Variants in TOP2A observed in about 807,000 individuals in gnomAD.
The protein encoded by TOP2A is DNA topoisomerase II alpha, also known as DNA topoisomerase 2-alpha.
TOP2A carries 68 observed loss-of-function variants against 187.2 expected under a neutral mutation model. That is an observed-to-expected ratio of 0.36 (90% CI 0.30 to 0.44). The LOEUF (loss-of-function observed/expected upper bound fraction) is 0.44. Among genes scored for constraint, TOP2A ranks in the 20% least tolerant of loss-of-function variants. The pLI, the probability that TOP2A is intolerant of heterozygous loss-of-function variation, is 1.00. For missense variants in TOP2A, 1,196 were observed against 1,808.7 expected (o/e 0.66, Z 6.14); for synonymous variants, 542 against 593.2 (o/e 0.91, Z 1.25).
At chr17:40,396,594 A>G in intron 27 of TOP2A, 129 bp from the exon 28 acceptor site, 1 of 1,148,624 alleles carries the variant, frequency 8.7e-7, no homozygotes, top group Non-Finnish European at 1.2e-6. Flanking sequence ...TCCATAACCT[A>G]GTATACTATC....
rs773676790 is a variant in TOP2A, at chr17:40,416,051, T to G, written c.286A>C (p.Lys96Gln). ...DEILVNAADN[K>Q]QRDPKMSCIR... ...CAAGACATTTTTGGGTCCCTTTGTT[T>G]GTTGTCCGCAGCATTAACTGAAAGA... is the stretch of plus-strand genomic sequence containing the variant. The change falls in exon 4 of 35, where the codon AAA becomes CAA. Residue 96 changes from lysine to glutamine, a missense_variant. This residue lies in a region of TOP2A where 97 missense variants were observed against 171.0 expected (regional missense o/e 0.57). Transcript: ENST00000423485. 2.1e-5 allele frequency: 34 copies of G among 1,585,494 alleles called. No homozygotes were observed. Among genetic ancestry groups the G allele is most frequent in the Non-Finnish European group, 2.9e-5 (34 of 1,162,820 alleles).
In TOP2A at chr17:40,396,332, G is replaced by C; in HGVS notation, c.3671C>G (p.Thr1224Ser). ...TTCTGCCTCTGCTTTCATTTCTATG[G>C]TTATTCGTGGAATGACTCTTTGACC... The part of the protein sequence containing the change: ...PRGQRVIPRI[T>S]IEMKAEAEKK... Residue 1224 changes from threonine to serine, a missense_variant, in exon 28 of 35, where the codon ACC (threonine) becomes AGC (serine). Physicochemically the swap from Thr to Ser is moderately conservative, Grantham distance 58 (BLOSUM62 1). Transcript: ENST00000423485. 1 of 1,612,910 alleles carries C rather than the reference G, an allele frequency of 6.2e-7. No homozygotes were observed. Among genetic ancestry groups the C allele is most frequent in the Non-Finnish European group, 8.5e-7 (1 of 1,179,116 alleles).
At chr17:40,416,619 T>C (rs2035393574) in intron 2 of TOP2A, 107 bp from the exon 3 acceptor site, 21 of 1,433,076 alleles carry the variant, frequency 1.5e-5, no homozygotes, top group Non-Finnish European at 2.0e-5. Flanking sequence ...TTTAGGCCAG[T>C]TCCAGTGACA....
intron 12 of TOP2A, 70 bp from the exon 13 acceptor site, chr17:40,407,744 A>G: frequency 7.0e-7 from 1 of 1,423,120 alleles, no homozygotes. Flanking sequence ...TTAACAGTAT[A>G]TGTTGCTTGG....
chr17:40,389,441 GAAGTT>G lies in TOP2A; in HGVS notation c.*73_*77del, dbSNP rs1025161122. 32 of 1,482,220 alleles carry G rather than the reference GAAGTT, an allele frequency of 2.2e-5. No homozygotes were observed. In the African/African-American group the frequency reaches 4.3e-4, roughly 20 times the overall value. The allele number at this position is 1,482,220 out of a possible 1,614,324, so 91.8% of individuals were successfully genotyped here. A position where few individuals can be genotyped will look rare whatever the true frequency, so the allele number is the denominator to read the frequency against. On this transcript the variant is annotated 3_prime_UTR_variant, in exon 35 of 35. Transcript: ENST00000423485. Reference sequence around the variant, plus strand: ...TCCCCAAACTAAATTCAGAGGGGAGGAAGTTAAGAGCTTCAGGTAACTTTAAAACC... The same window carrying G: ...TCCCCAAACTAAATTCAGAGGGGAGGAAGAGCTTCAGGTAACTTTAAAACC...
intron 12 of TOP2A, 106 bp from the exon 13 acceptor site, chr17:40,407,780 G>A: frequency 1.6e-6 from 2 of 1,238,726 alleles, no homozygotes; most frequent in South Asian, 1.5e-5. Context: ...AGTATTTTGA[G>A]CTATTAGCTT....
Position 40,400,847 on chromosome 17 carries a change from T to C in TOP2A, c.2664+3A>G, listed in dbSNP as rs1256223287. On this transcript the variant is annotated splice_donor_region_variant and intron_variant, in intron 21 of 34. Coordinates refer to ENST00000423485, the MANE Select transcript of TOP2A (RefSeq NM_001067.4). ...AGGCTCTTAACACACACAGAATACT[T>C]ACCATTGGCAAAGGTTCTTCTCCAT... The C allele has an allele frequency of 1.2e-6, 2 of 1,613,596 alleles. No individual in the cohort carries two copies. The highest frequency in any genetic ancestry group is 1.1e-5 in the South Asian group (1 of 91,076).
rs73983046 is a variant in TOP2A at position 40,407,833 on chromosome 17, T to C, written c.1500+134A>G. On this transcript the variant is annotated intron_variant, in intron 12 of 34. Transcript: ENST00000423485. ...AAAGGTCTGTTAAAATAGGCTACAA[T>C]GTACCTAATTTCTCAAAATAAGCAC... 5.0e-3 allele frequency: 5,961 copies of C among 1,190,906 alleles called. 206 individuals carry two copies. In the African/African-American group the frequency reaches 0.082, roughly 16 times the overall value. 73.8% of individuals were successfully genotyped at this position (1,190,906 alleles called of 1,614,324 possible). A position where few individuals can be genotyped will look rare whatever the true frequency, so the allele number is the denominator to read the frequency against.
intron 10 of TOP2A, chr17:40,409,386 T>A (rs542555111): frequency 1.7e-5 from 7 of 413,648 alleles, no homozygotes; most frequent in East Asian, 1.5e-4. Flanking sequence ...AAAAAAAAAA[T>A]TAAAAATAAA....
At chr17:40,397,577 T>G (rs1204357568) in intron 27 of TOP2A, among the ~76,000 whole-genome samples, 1 of 151,298 alleles carries the variant, frequency 6.6e-6, no homozygotes, top group East Asian at 2.0e-4. Context: ...TGAGCCACCA[T>G]GCCCTGTGGC....
chr17:40,398,500 G>T lies in TOP2A; in HGVS notation c.3537+58C>A, dbSNP rs187137907. ...TGAACTATCTTGACAAAGGTATACT[G>T]CTGGAATATATTATTTCATTAATAA... On this transcript the variant is annotated intron_variant, in intron 27 of 34. Transcript: ENST00000423485. The T allele has an allele frequency of 1.9e-4, 262 of 1,399,338 alleles. 1 individual carries two copies. In the African/African-American group the frequency reaches 3.3e-3, roughly 18 times the overall value. The allele number at this position is 1,399,338 out of a possible 1,614,324, so 86.7% of individuals were successfully genotyped here.
At position 40,402,791 on chromosome 17, in the gene TOP2A, C is replaced by T. The variant is rs189526577; in HGVS notation, c.2432+115G>A. 2.8e-4 allele frequency: 320 copies of T among 1,131,700 alleles called. 3 individuals are homozygous for T. In the African/African-American group the frequency reaches 4.0e-3, roughly 14 times the overall value. The allele number at this position is 1,131,700 out of a possible 1,614,324, so 70.1% of individuals were successfully genotyped here. On this transcript the variant is annotated intron_variant, in intron 20 of 34. Coordinates refer to ENST00000423485, the MANE Select transcript of TOP2A (RefSeq NM_001067.4). ...GTATAAGCCTCACCCCTGGCCTCTG[C>T]CACTAGATGCCAGTATCTTCTGATT... is the stretch of plus-strand genomic sequence containing the variant.
intron 27 of TOP2A, among the ~76,000 whole-genome samples, chr17:40,398,287 A>G (rs1330480260): frequency 2.6e-5 from 4 of 151,632 alleles, no homozygotes; most frequent in Non-Finnish European, 5.9e-5. Context: ...TGTTTTTAGT[A>G]GAAATGGGGT....
chr17:40,409,149 G>A (rs1409002044), intron 10 of TOP2A: 3 of 281,158 alleles, frequency 1.1e-5, no homozygotes, highest in East Asian at 2.2e-4. Flanking sequence ...AGCCAAGATC[G>A]CACCATTGCA....
At chr17:40,412,248 T>C (rs1381557381) in intron 7 of TOP2A, among the ~76,000 whole-genome samples, 1 of 152,160 alleles carries the variant, frequency 6.6e-6, no homozygotes, top group Non-Finnish European at 1.5e-5. Context: ...ATTTTAGGTG[T>C]TTCTTTGAGA....
In TOP2A at chr17:40,398,612, CTTTCTT is replaced by C; in HGVS notation, c.3477_3482del (p.Arg1160_Lys1161del). ...CTTCTTTCCACAAATCTGATGGACT[CTTTCTT>C]TTTAATGTGTCCAGCTCTTGTTCCT... is the stretch of plus-strand genomic sequence containing the variant. On this transcript the variant is annotated inframe_deletion, in exon 27 of 35. Transcript: ENST00000423485. The C allele has an allele frequency of 6.3e-7, 1 of 1,594,500 alleles. No individual in the cohort carries two copies. The highest frequency in any genetic ancestry group is 1.3e-5 in the African/African-American group (1 of 74,804).
rs2143687874 is a variant in TOP2A, at chr17:40,413,542, G to A, written c.416C>T (p.Ala139Val). The change falls in exon 5 of 35, where the codon GCT (alanine) becomes GTT (valine). Residue 139 changes from alanine (A) to valine (V), a missense_variant. By Grantham distance (64) the Ala-to-Val change is moderately conservative (BLOSUM62 0). This residue lies in a region of TOP2A where 97 missense variants were observed against 171.0 expected (regional missense o/e 0.57). Transcript: ENST00000423485. ...EHKVEKMYVP[A>V]LIFGQLLTSS... is the part of the protein sequence containing the mutation. ...AGTTAGGAGCTGTCCAAATATGAGA[G>A]CTGGGACATACATCTTTTCAACTTT... The A allele has an allele frequency of 6.5e-7, 1 of 1,540,264 alleles. No individual in the cohort carries two copies. Among genetic ancestry groups the A allele is most frequent in the Non-Finnish European group, 8.8e-7 (1 of 1,139,430 alleles).
chr17:40,396,277 T>A lies in TOP2A; in HGVS notation c.3720+6A>T. 1 of 1,493,800 alleles carries A rather than the reference T, an allele frequency of 6.7e-7. No individual in the cohort carries two copies. Among genetic ancestry groups the A allele is most frequent in the Non-Finnish European group, 9.2e-7 (1 of 1,084,500 alleles). The allele number at this position is 1,493,800 out of a possible 1,614,324, so 92.5% of individuals were successfully genotyped here. On this transcript the variant is annotated splice_donor_region_variant and intron_variant, in intron 28 of 34. Coordinates refer to ENST00000423485, the MANE Select transcript of TOP2A (RefSeq NM_001067.4). Reference sequence around the variant, plus strand: ...TTATAGGTGTGAGCCACCACAAGAGTATTACCTTAATTTTCTTTTTATTTT... The same window carrying A: ...TTATAGGTGTGAGCCACCACAAGAGAATTACCTTAATTTTCTTTTTATTTT...
At chr17:40,395,292 A>AG (rs1340879210) in intron 29 of TOP2A, among the ~76,000 whole-genome samples, 157 bp downstream of exon 29, 1 of 151,650 alleles carries the variant, frequency 6.6e-6, no homozygotes, top group East Asian at 1.9e-4. Context: ...AAAAAAAAAA[A>AG]AAAAAAAAAA....
Sources: allele counts gnomAD v4.1 joint callset (sites outside exome capture counted in the v4.1 genomes callset), GRCh38; gene constraint gnomAD v4.1.1; regional missense constraint gnomAD v4.1.1; transcripts MANE v1.5; gene names NCBI Gene and HGNC (gene_info 2026-07-23, HGNC 2026-07-21).